The following CLEC16A variants were observed in gnomAD, a reference collection of about 807,000 sequenced individuals.
CLEC16A encodes the protein C-type lectin domain containing 16A, also known as protein CLEC16A.
Under a neutral mutation model 109.5 loss-of-function variants are expected in CLEC16A, and 51 were observed. The ratio of observed to expected loss-of-function variants is 0.47; its 90% CI spans 0.37 to 0.59. The LOEUF is 0.59. Ranked by LOEUF, CLEC16A falls within the 20% of genes least tolerant of loss-of-function variation. The probability of loss-of-function intolerance (pLI) is 0.00; values close to 1 mark genes in which losing one functional copy is unlikely to be tolerated. For missense variants in CLEC16A, 1,339 were observed against 1,394.0 expected (o/e 0.96, Z 0.63); for synonymous variants, 673 against 564.2 (o/e 1.19, Z -2.73).
intron 11 of CLEC16A, among the ~76,000 whole-genome samples, chr16:11,013,602 A>G (rs564001928): frequency 6.6e-6 from 1 of 152,210 alleles, no homozygotes; most frequent in East Asian, 1.9e-4. Flanking sequence ...CTGAAAATAC[A>G]AAAAAATTAG....
chr16:11,003,897 G>A (rs1044804058), intron 11 of CLEC16A, among the ~76,000 whole-genome samples: 52 of 149,528 alleles, frequency 3.5e-4, no homozygotes, highest in Admixed American at 3.3e-3. Context: ...ACTTTGGGAA[G>A]CCAAGGTGGG....
chr16:11,091,960 G>T (rs1041515605), intron 19 of CLEC16A, among the ~76,000 whole-genome samples: 43 of 152,142 alleles, frequency 2.8e-4, no homozygotes, highest in African/African-American at 9.7e-4. Context: ...TCCTCAGAAG[G>T]CTTCCCCGTC....
intron 19 of CLEC16A, among the ~76,000 whole-genome samples, chr16:11,102,770 G>A (rs2050994827): frequency 6.6e-6 from 1 of 152,216 alleles, no homozygotes; most frequent in African/African-American, 2.4e-5. Context: ...TTGCTGGGTG[G>A]AACTCAGAGA....
intron 13 of CLEC16A, among the ~76,000 whole-genome samples, chr16:11,028,126 G>A (rs1286621876): frequency 2.0e-5 from 3 of 152,216 alleles, no homozygotes; most frequent in Non-Finnish European, 4.4e-5. Context: ...CTCAAACGTG[G>A]GAGGCGGAAG....
intron 19 of CLEC16A, among the ~76,000 whole-genome samples, chr16:11,099,522 G>A (rs563962361): frequency 1.3e-5 from 2 of 152,354 alleles, no homozygotes; most frequent in Non-Finnish European, 2.9e-5. Flanking sequence ...CAGCATGGTC[G>A]TAGGACATTT....
chr16:10,970,378 G>A (rs1163412935), intron 4 of CLEC16A, among the ~76,000 whole-genome samples: 2 of 152,120 alleles, frequency 1.3e-5, no homozygotes. Flanking sequence ...TACTTCTTAG[G>A]TGTCAGGTGC....
At chr16:10,971,023 T>G in intron 4 of CLEC16A, 102 bp from the exon 5 acceptor site, 3 of 616,468 alleles carry the variant, frequency 4.9e-6, no homozygotes, top group African/African-American at 1.9e-5. Context: ...TTTTTTTTTT[T>G]TTGTCTTTTT....
intron 15 of CLEC16A, among the ~76,000 whole-genome samples, 189 bp downstream of exon 15, chr16:11,042,552 G>C (rs1047020563): frequency 1.3e-5 from 2 of 152,206 alleles, no homozygotes; most frequent in Non-Finnish European, 2.9e-5. Flanking sequence ...CCTTTCAGCC[G>C]AGACTCGCTG....
intron 11 of CLEC16A, among the ~76,000 whole-genome samples, chr16:11,013,021 C>T (rs374572195): frequency 7.8e-4 from 118 of 152,166 alleles, no homozygotes; most frequent in African/African-American, 2.8e-3. Context: ...CACACGCCCC[C>T]ACACTCACTC....
At position 10,985,496 on chromosome 16, in the gene CLEC16A, A is replaced by G. The variant is rs1308313851; in HGVS notation, c.1071+2505A>G. ...CCTGCCCACTGCTAACTGGGACTACATTGATGTTAATATGTTAATAGCAAC... is the reference window on the plus strand; with the variant it reads ...CCTGCCCACTGCTAACTGGGACTACGTTGATGTTAATATGTTAATAGCAAC... On this transcript the variant is annotated intron_variant, in intron 10 of 23. Transcript: ENST00000409790. Among the ~76,000 whole-genome samples the G allele has an allele frequency of 8.6e-5, 13 of 150,968 alleles. 1 individual carries two copies. The highest frequency in any genetic ancestry group is 3.5e-3 in the Middle Eastern group (1 of 288).
intron 2 of CLEC16A, among the ~76,000 whole-genome samples, chr16:10,959,326 G>A (rs1465267254): frequency 6.6e-6 from 1 of 152,172 alleles, no homozygotes; most frequent in Admixed American, 6.5e-5. Flanking sequence ...CTCCAAAGCA[G>A]AACATGCGAG....
chr16:11,038,311 C>T (rs561828585), intron 13 of CLEC16A, among the ~76,000 whole-genome samples: 1 of 152,140 alleles, frequency 6.6e-6, no homozygotes, highest in Non-Finnish European at 1.5e-5. Context: ...TTAAGAGTTC[C>T]GAGAAGTGCC....
chr16:10,947,579 G>T (rs535234230), intron 1 of CLEC16A, among the ~76,000 whole-genome samples: 1 of 152,236 alleles, frequency 6.6e-6, no homozygotes, highest in Non-Finnish European at 1.5e-5. Context: ...ATGTCCAGGT[G>T]GGGGCTGATA....
chr16:10,985,923 C>G (rs1229435030), intron 10 of CLEC16A, among the ~76,000 whole-genome samples: 2 of 147,932 alleles, frequency 1.4e-5, no homozygotes, highest in African/African-American at 5.0e-5. Context: ...CCAGGCTGCT[C>G]TTGAACTCCT....
At chr16:11,128,311 C>A (rs531516306) in intron 22 of CLEC16A, among the ~76,000 whole-genome samples, 2 of 152,360 alleles carry the variant, frequency 1.3e-5, no homozygotes, top group South Asian at 4.1e-4. Context: ...CCCTGCCTGG[C>A]CTTCCACCGG....
intron 2 of CLEC16A, 42 bp from the exon 3 acceptor site, chr16:10,962,413 A>G: frequency 6.2e-7 from 1 of 1,612,842 alleles, no homozygotes; most frequent in Non-Finnish European, 8.5e-7. Flanking sequence ...CTGTTTCCAC[A>G]TGTGGAAGCA....
chr16:11,058,425 CTGAGT>C (rs1374235279), intron 18 of CLEC16A, among the ~76,000 whole-genome samples: 1 of 152,088 alleles, frequency 6.6e-6, no homozygotes, highest in East Asian at 1.9e-4. Flanking sequence ...ACTTATGATA[CTGAGT>C]ACAATGTAAA....
intron 13 of CLEC16A, among the ~76,000 whole-genome samples, chr16:11,028,152 A>C (rs1251141614): frequency 9.9e-5 from 15 of 152,230 alleles, no homozygotes; most frequent in Admixed American, 9.2e-4. Flanking sequence ...GTGAGCTGAG[A>C]TCACGCCATT....
At position 11,126,026 on chromosome 16, in the gene CLEC16A, G is replaced by A. The variant is rs2052787247; in HGVS notation, c.2521G>A (p.Gly841Arg). ...GCCCACCACTGAAGTCCTGGGGTTT[G>A]GACTCGGCTCCTCCACCTCCACTCA... ...IQPTTEVLGF[G>R]LGSSTSTQHL... The change falls in exon 22 of 24, where the codon GGA becomes AGA. Residue 841 changes from glycine to arginine, a missense_variant. Physicochemically the swap from Gly to Arg is moderately radical, Grantham distance 125 (BLOSUM62 -2). Transcript: ENST00000409790. 5 of 1,613,510 alleles carry A rather than the reference G, an allele frequency of 3.1e-6. No individual in the cohort carries two copies. Among genetic ancestry groups the A allele is most frequent in the Non-Finnish European group, 4.2e-6 (5 of 1,179,840 alleles).
Sources: allele counts gnomAD v4.1 joint callset (sites outside exome capture counted in the v4.1 genomes callset), GRCh38; gene constraint gnomAD v4.1.1; transcripts MANE v1.5; gene names NCBI Gene and HGNC (gene_info 2026-07-23, HGNC 2026-07-21).